Variants in MS4A4E observed in about 807,000 individuals in gnomAD.
MS4A4E encodes putative membrane-spanning 4-domains subfamily A member 4E.
A neutral mutation model predicts 13.3 loss-of-function variants in MS4A4E; 23 were observed. The ratio of observed to expected loss-of-function variants is 1.73; its 90% CI spans 1.25 to 2.45. The LOEUF (loss-of-function observed/expected upper bound fraction) is 2.45, where lower values mean the gene tolerates loss of function less well. Among genes scored for constraint, MS4A4E ranks in the 30% most tolerant of loss-of-function variants. The pLI is 0.00. For missense variants in MS4A4E, 144 were observed against 131.2 expected (o/e 1.10, Z -0.48); for synonymous variants, 36 against 45.6 (o/e 0.79, Z 0.85).
At chr11:60,237,395 GC>G (rs1814117005) in intron 1 of MS4A4E, among the ~76,000 whole-genome samples, 1 of 152,158 alleles carries the variant, frequency 6.6e-6, no homozygotes, top group African/African-American at 2.4e-5. Flanking sequence ...TGTGAATAGT[GC>G]AGCAATGAAC....
chr11:60,201,557 G>C lies in MS4A4E; in HGVS notation c.982C>G (p.Pro328Ala), dbSNP rs1422320971. ...IWEVRSVSAR[P>A]PIF ...CTCCCCACATCTCAGAAGATGGGCGGCCGGGCGGAGACACTCCTCACCTCC... is the reference window on the plus strand; with the variant it reads ...CTCCCCACATCTCAGAAGATGGGCGCCCGGGCGGAGACACTCCTCACCTCC... Residue 328 changes from proline to alanine, a missense_variant, in exon 9 of 9, where the codon CCG (proline) becomes GCG (alanine). Coordinates refer to ENST00000651255, the MANE Select transcript of MS4A4E (RefSeq NM_001393391.1). 6.4e-6 allele frequency: 2 copies of C among 313,272 alleles called. No homozygotes were observed. The highest frequency in any genetic ancestry group is 1.3e-5 in the Non-Finnish European group (2 of 155,686). The allele number at this position is 313,272 out of a possible 1,614,324, so 19.4% of individuals were successfully genotyped here.
At chr11:60,209,716 A>G (rs1471686253) in intron 5 of MS4A4E, among the ~76,000 whole-genome samples, 2 of 152,228 alleles carry the variant, frequency 1.3e-5, no homozygotes, top group Non-Finnish European at 2.9e-5. Context: ...ACAATTGGGC[A>G]GTACACTTAT....
rs184478194 is a variant in MS4A4E, at chr11:60,235,511, T to A, written c.-16-5440A>T. 7.2e-5 allele frequency among the ~76,000 whole-genome samples: 11 copies of A among 152,348 alleles called. 1 individual carries two copies. Among genetic ancestry groups the A allele is most frequent in the Admixed American group, 7.2e-4 (11 of 15,308 alleles). ...TCCTGTTCCCTTTAGATCTTGCCAC[T>A]CTTGATTAGCGACTACTTGTAGGGT... is the stretch of plus-strand genomic sequence containing the variant. On this transcript the variant is annotated intron_variant, in intron 1 of 8. Transcript: ENST00000651255.
intron 3 of MS4A4E, among the ~76,000 whole-genome samples, chr11:60,217,411 C>T (rs997741741): frequency 6.7e-6 from 1 of 149,424 alleles, no homozygotes. Context: ...CTCTCAGGAG[C>T]CTTTTTTTTG....
intron 7 of MS4A4E, among the ~76,000 whole-genome samples, chr11:60,205,392 T>C (rs1166747735): frequency 2.6e-5 from 4 of 152,216 alleles, no homozygotes; most frequent in African/African-American, 9.6e-5. Context: ...TGCCCCATTG[T>C]AGATACTTTA....
intron 4 of MS4A4E, among the ~76,000 whole-genome samples, chr11:60,214,328 T>C (rs4939320): frequency 0.34 from 51,281 of 152,116 alleles, 9,442 homozygotes; most frequent in South Asian, 0.51. Context: ...ATATTTGTTC[T>C]AAATAATTTT....
At chr11:60,207,230 G>A (rs1321214610) in intron 6 of MS4A4E, among the ~76,000 whole-genome samples, 2 of 152,152 alleles carry the variant, frequency 1.3e-5, no homozygotes, top group Admixed American at 6.5e-5. Flanking sequence ...GTAGGGCACG[G>A]TGGGGGACCA....
At chr11:60,233,472 G>GGA (rs2084439184) in intron 1 of MS4A4E, among the ~76,000 whole-genome samples, 1 of 152,180 alleles carries the variant, frequency 6.6e-6, no homozygotes, top group Admixed American at 6.5e-5. Context: ...CCTTAGCTTT[G>GGA]TGGGTAACCT....
intron 1 of MS4A4E, among the ~76,000 whole-genome samples, chr11:60,242,161 A>G (rs919994274): frequency 2.6e-5 from 4 of 152,106 alleles, no homozygotes; most frequent in South Asian, 2.1e-4. Context: ...ATGGGAAGGG[A>G]AAAGGGGGAA....
chr11:60,232,052 A>G (rs2084417387), intron 1 of MS4A4E, among the ~76,000 whole-genome samples: 1 of 152,228 alleles, frequency 6.6e-6, no homozygotes, highest in Non-Finnish European at 1.5e-5. Flanking sequence ...TGTTGACAGA[A>G]AAAATTTTGC....
intron 5 of MS4A4E, among the ~76,000 whole-genome samples, chr11:60,209,790 C>T (rs1032755295): frequency 1.3e-5 from 2 of 152,232 alleles, no homozygotes; most frequent in Non-Finnish European, 1.5e-5. Flanking sequence ...CTCTTTTTCT[C>T]TCCATGGTTA....
In MS4A4E at chr11:60,214,640, G is replaced by A. The variant is rs1554984422; in HGVS notation, c.179-26C>T. 7.0e-6 allele frequency: 10 copies of A among 1,437,128 alleles called. No individual in the cohort carries two copies. The Admixed American group carries it at 7.2e-5, about 10-fold the overall frequency. 89.0% of individuals were successfully genotyped at this position (1,437,128 alleles called of 1,614,324 possible). On this transcript the variant is annotated intron_variant, in intron 3 of 8. Transcript: ENST00000651255. ...CTGAAATAATAAAATAAGAATGAGA[G>A]AAAAAAATGGAGATAAAAAGTTTTA... is the stretch of plus-strand genomic sequence containing the variant.
chr11:60,234,072 G>T (rs751349874), intron 1 of MS4A4E, among the ~76,000 whole-genome samples: 13 of 152,122 alleles, frequency 8.5e-5, no homozygotes, highest in Non-Finnish European at 1.8e-4. Flanking sequence ...TTCTTGCCTG[G>T]CTCTCTCTTT....
intron 3 of MS4A4E, among the ~76,000 whole-genome samples, chr11:60,227,793 C>T (rs143911517): frequency 1.6e-4 from 24 of 151,800 alleles, no homozygotes; most frequent in African/African-American, 4.8e-4. Context: ...GAAATAGACA[C>T]AGAAGTATAG....
intron 3 of MS4A4E, among the ~76,000 whole-genome samples, chr11:60,222,139 T>C (rs1289662120): frequency 1.3e-5 from 2 of 152,196 alleles, no homozygotes; most frequent in Non-Finnish European, 2.9e-5. Flanking sequence ...GGCAAGTTGA[T>C]TATATTAGAC....
intron 1 of MS4A4E, among the ~76,000 whole-genome samples, chr11:60,236,813 T>C (rs970287205): frequency 5.9e-5 from 9 of 151,892 alleles, no homozygotes; most frequent in African/African-American, 2.2e-4. Flanking sequence ...CTCAGCTCAC[T>C]ACAACCTCCG....
chr11:60,215,409 G>T (rs1423335501), intron 3 of MS4A4E, among the ~76,000 whole-genome samples: 4 of 151,100 alleles, frequency 2.6e-5, no homozygotes, highest in Non-Finnish European at 4.4e-5. Context: ...TTTTAATATT[G>T]AAATATTCTA....
chr11:60,217,968 G>A (rs985455734), intron 3 of MS4A4E, among the ~76,000 whole-genome samples: 8 of 152,144 alleles, frequency 5.3e-5, no homozygotes, highest in African/African-American at 1.9e-4. Context: ...CGGTGAGCCG[G>A]GCAGAACAGA....
chr11:60,231,556 T>G (rs1195304924), intron 1 of MS4A4E, among the ~76,000 whole-genome samples: 2 of 151,946 alleles, frequency 1.3e-5, no homozygotes, highest in African/African-American at 4.8e-5. Flanking sequence ...AAGGATAAAT[T>G]TGGGGGAAAA....
Sources: gnomAD v4.1 joint callset for allele counts (sites outside exome capture counted in the v4.1 genomes callset) on GRCh38, gnomAD v4.1.1 for gene constraint, MANE v1.5 for transcripts, NCBI Gene and HGNC (gene_info 2026-07-23, HGNC 2026-07-21) for gene names.